The following KMT5A variants were observed in gnomAD, a reference collection of about 807,000 sequenced individuals.
KMT5A encodes lysine methyltransferase 5A.
Under a neutral mutation model 40.6 loss-of-function variants are expected in KMT5A, and 6 were observed. The ratio of observed to expected loss-of-function variants is 0.15; its 90% CI spans 0.08 to 0.29. KMT5A has a LOEUF of 0.29. Among genes scored for constraint, KMT5A ranks in the 10% least tolerant of loss-of-function variants. The pLI, the probability that KMT5A is intolerant of heterozygous loss-of-function variation, is 1.00. For synonymous variants in KMT5A, 153 were observed against 178.8 expected (o/e 0.86, Z 1.15); for missense variants, 308 against 459.1 (o/e 0.67, Z 3.01).
rs542504846 is a variant in KMT5A, at chr12:123,392,078, C to T, written c.289+1292C>T. On this transcript the variant is annotated intron_variant, in intron 3 of 7. Coordinates refer to ENST00000402868, the MANE Select transcript of KMT5A (RefSeq NM_020382.7). ...AAATGGGGAGAGAGGAGTCTGACCT[C>T]ACACACACAGGACTGTTTTGAAGGG... Among the ~76,000 whole-genome samples, 13 of 152,302 alleles carry T rather than the reference C, an allele frequency of 8.5e-5. No homozygotes were observed. The South Asian group carries it at 2.5e-3, about 29-fold the overall frequency.
intron 5 of KMT5A, among the ~76,000 whole-genome samples, chr12:123,399,989 G>A (rs28417583): frequency 0.95 from 144,995 of 152,186 alleles, 69,204 homozygotes; most frequent in Non-Finnish European, 0.96. Context: ...ATGCCCAGCT[G>A]ATTTTGTATT....
intron 3 of KMT5A, among the ~76,000 whole-genome samples, chr12:123,393,043 A>AT (rs1310898404): frequency 6.6e-6 from 1 of 151,906 alleles, no homozygotes; most frequent in Admixed American, 6.6e-5. Flanking sequence ...CGCTCGGCTA[A>AT]TTTTTTGTAT....
intron 4 of KMT5A, 135 bp downstream of exon 4, chr12:123,395,401 C>T (rs989812817): frequency 2.4e-5 from 21 of 875,630 alleles, no homozygotes; most frequent in Non-Finnish European, 3.2e-5. Flanking sequence ...TCAGATGCCC[C>T]GAGTCATCAG....
In KMT5A at chr12:123,405,199, T is replaced by A; in HGVS notation, c.848+125T>A. On this transcript the variant is annotated intron_variant, in intron 7 of 7. Coordinates refer to ENST00000402868, the MANE Select transcript of KMT5A (RefSeq NM_020382.7). ...TGGTTTTGTTGTTGTTGACTTTTTTTTTTTTATTTTTTGAGATGGAGTCTT... is the reference window on the plus strand; with the variant it reads ...TGGTTTTGTTGTTGTTGACTTTTTTATTTTTATTTTTTGAGATGGAGTCTT... 6 of 1,023,640 alleles carry A rather than the reference T, an allele frequency of 5.9e-6. No homozygotes were observed. The East Asian group carries it at 8.1e-5, about 14-fold the overall frequency. 63.4% of individuals were successfully genotyped at this position (1,023,640 alleles called of 1,614,324 possible).
At position 123,403,142 on chromosome 12, in the gene KMT5A, A is replaced by G. The variant is rs561051596; in HGVS notation, c.598-431A>G. On this transcript the variant is annotated intron_variant, in intron 5 of 7. Transcript: ENST00000402868. ...CTGGTCTCGAACTCGTGACCTTACG[A>G]TCCGCCCGCCTCGGCCTCCCGAAGT... Among the ~76,000 whole-genome samples, 24 of 152,282 alleles carry G rather than the reference A, an allele frequency of 1.6e-4. No homozygotes were observed. In the East Asian group the frequency reaches 2.5e-3, roughly 16 times the overall value.
At chr12:123,390,424 C>T (rs1877213594) in intron 2 of KMT5A, among the ~76,000 whole-genome samples, 1 of 152,140 alleles carries the variant, frequency 6.6e-6, no homozygotes, top group African/African-American at 2.4e-5. Flanking sequence ...GATTTAGAGA[C>T]CAGCGCGTTT....
In KMT5A at chr12:123,384,792, G is replaced by A. The variant is rs558138367; in HGVS notation, c.10+584G>A. ...AAAACGGGTTCCTGGCATCTCGCGG[G>A]CGCGGTCGTTCGCCCCGCATCTGGT... On this transcript the variant is annotated intron_variant, in intron 1 of 7. Transcript: ENST00000402868. This position sits in a 1 kb window ranked among gnomAD's most constrained non-coding sequence, Gnocchi z 5.7. Among the ~76,000 whole-genome samples the A allele has an allele frequency of 2.3e-4, 35 of 152,370 alleles. No homozygotes were observed. The highest frequency in any genetic ancestry group is 6.7e-4 in the African/African-American group (28 of 41,594).
chr12:123,397,840 AT>A (rs63533060), intron 5 of KMT5A, among the ~76,000 whole-genome samples: 140,734 of 148,268 alleles, frequency 0.95, 66,885 homozygotes, highest in Non-Finnish European at 0.96. Context: ...CTAATTTTGT[AT>A]TTTTTTTTTT....
At chr12:123,389,987 G>A (rs1020858210) in intron 2 of KMT5A, 3 of 454,970 alleles carry the variant, frequency 6.6e-6, no homozygotes, top group Non-Finnish European at 1.3e-5. Context: ...CCGCCCCACC[G>A]CCCCGTCCAC....
At position 123,392,475 on chromosome 12, in the gene KMT5A, TAGTG is replaced by T. The variant is rs1256490527; in HGVS notation, c.289+1692_289+1695del. Among the ~76,000 whole-genome samples, 44 of 151,884 alleles carry T rather than the reference TAGTG, an allele frequency of 2.9e-4. 1 individual carries two copies. Among genetic ancestry groups the T allele is most frequent in the African/African-American group, 1.0e-3 (43 of 41,420 alleles). On this transcript the variant is annotated intron_variant, in intron 3 of 7. Transcript: ENST00000402868. The stretch of plus-strand genomic sequence containing the variant: ...GAGTTTGAGACCAGCCTGGGCAACA[TAGTG>T]AGGCCTCATCTCTACAACAATGAAA...
chr12:123,390,765 G>A lies in KMT5A; in HGVS notation c.268G>A (p.Gly90Arg), dbSNP rs778079536. The change falls in exon 3 of 8, where the codon GGA (glycine) becomes AGA (arginine). Residue 90 changes from glycine to arginine, a missense_variant. By Grantham distance (125) the Gly-to-Arg change is moderately radical (BLOSUM62 -2). Coordinates refer to ENST00000402868, the MANE Select transcript of KMT5A (RefSeq NM_020382.7). ...EVKCQGKPLA[G>R]IYRKREEKRN... ...CAAATGCCAGGGGAAACCATTAGCC[G>A]GAATCTACAGGAAACGAGAAGGTAA... The A allele has an allele frequency of 1.1e-5, 18 of 1,613,870 alleles. No individual in the cohort carries two copies. In the South Asian group the frequency reaches 1.9e-4, roughly 17 times the overall value.
intron 1 of KMT5A, among the ~76,000 whole-genome samples, chr12:123,388,107 G>T (rs549281991): frequency 6.6e-6 from 1 of 152,214 alleles, no homozygotes; most frequent in Non-Finnish European, 1.5e-5. Flanking sequence ...CGGGAACCTC[G>T]TCTGCCTATG....
At chr12:123,388,861 C>T (rs1877029626) in intron 1 of KMT5A, 2 of 148,762 alleles carry the variant, frequency 1.3e-5, no homozygotes, top group South Asian at 4.2e-4. Flanking sequence ...CGGGATTCGC[C>T]GCGCCCGCCC....
chr12:123,387,079 A>G (rs56999938), intron 1 of KMT5A, among the ~76,000 whole-genome samples: 8,136 of 151,760 alleles, frequency 0.054, 712 homozygotes, highest in African/African-American at 0.18. Flanking sequence ...CTGGTCTCAA[A>G]CTCCTGATTT....
At position 123,405,110 on chromosome 12, in the gene KMT5A, C is replaced by T. The variant is rs781500460; in HGVS notation, c.848+36C>T. On this transcript the variant is annotated intron_variant, in intron 7 of 7. Coordinates refer to ENST00000402868, the MANE Select transcript of KMT5A (RefSeq NM_020382.7). ...TGTTGCTTAGAGTGGCTTTTCTGTC[C>T]TCTGGGCAGTGAGGAGAGGCCAAAG... 1.9e-5 allele frequency: 30 copies of T among 1,564,200 alleles called. No homozygotes were observed. In the Admixed American group the frequency reaches 2.2e-4, roughly 12 times the overall value.
At chr12:123,395,466 A>C (rs1877644737) in intron 4 of KMT5A, among the ~76,000 whole-genome samples, 200 bp downstream of exon 4, 1 of 151,626 alleles carries the variant, frequency 6.6e-6, no homozygotes, top group Admixed American at 6.6e-5. Context: ...AGAGTTCAAG[A>C]GCCTCTCCTT....
intron 3 of KMT5A, among the ~76,000 whole-genome samples, chr12:123,394,291 A>T (rs1370356519): frequency 1.3e-5 from 2 of 151,514 alleles, no homozygotes; most frequent in African/African-American, 4.9e-5. Context: ...TTTAGTAGAG[A>T]TGGGGTTTAC....
At chr12:123,392,922 T>C (rs892326640) in intron 3 of KMT5A, among the ~76,000 whole-genome samples, 3 of 152,150 alleles carry the variant, frequency 2.0e-5, no homozygotes, top group Admixed American at 6.6e-5. Context: ...TGTCTTGCAG[T>C]CTGGAGTGCA....
In KMT5A at chr12:123,396,349, C is replaced by G. The variant is rs1161202109; in HGVS notation, c.514C>G (p.Gln172Glu). Residue 172 changes from glutamine to glutamate, a missense_variant, in exon 5 of 8, where the codon CAA (glutamine) becomes GAA (glutamate). By Grantham distance (29) the Gln-to-Glu change is conservative (BLOSUM62 2). Transcript: ENST00000402868. Reference protein sequence around the residue: ...KGKQAPRKKAQGKTQQNRKLT... With the variant: ...KGKQAPRKKAEGKTQQNRKLT... ...TCCTCTTCCCCTCTTACCCAGAGCT[C>G]AAGGAAAAACGCAACAGAATCGCAA... The G allele has an allele frequency of 6.2e-7, 1 of 1,612,898 alleles. No individual in the cohort carries two copies. Among genetic ancestry groups the G allele is most frequent in the Admixed American group, 1.7e-5 (1 of 59,982 alleles).
Sources: gnomAD v4.1 joint callset for allele counts (sites outside exome capture counted in the v4.1 genomes callset) on GRCh38, gnomAD v4.1.1 for gene constraint, Gnocchi (gnomAD v3.1) non-coding constraint, MANE v1.5 for transcripts, NCBI Gene and HGNC (gene_info 2026-07-23, HGNC 2026-07-21) for gene names.